Variants in SPECC1L observed in about 807,000 individuals in gnomAD.
SPECC1L encodes sperm antigen with calponin homology and coiled-coil domains 1 like.
A neutral mutation model predicts 116.8 loss-of-function variants in SPECC1L; 40 were observed. The ratio of observed to expected loss-of-function variants is 0.34; its 90% CI spans 0.27 to 0.45. The LOEUF (loss-of-function observed/expected upper bound fraction) is 0.45. Ranked by LOEUF, SPECC1L falls within the 20% of genes least tolerant of loss-of-function variation. The pLI, the probability that SPECC1L is intolerant of heterozygous loss-of-function variation, is 1.00. For synonymous variants in SPECC1L, 504 were observed against 500.6 expected, an observed-to-expected ratio of 1.01 and a Z score of -0.09; for missense variants, 1,110 against 1,373.6, an observed-to-expected ratio of 0.81 and a Z score of 3.03.
At chr22:24,326,299 A>T (rs2040820273) in intron 6 of SPECC1L, among the ~76,000 whole-genome samples, 1 of 152,200 alleles carries the variant, frequency 6.6e-6, no homozygotes, top group African/African-American at 2.4e-5. Flanking sequence ...TGTAACTCCC[A>T]GTGTTTTCAA....
intron 14 of SPECC1L, among the ~76,000 whole-genome samples, chr22:24,404,495 C>T (rs1248049705): frequency 6.6e-6 from 1 of 152,186 alleles, no homozygotes; most frequent in Non-Finnish European, 1.5e-5. Flanking sequence ...CCACAGAAGC[C>T]AAGGCCCATC....
intron 14 of SPECC1L, among the ~76,000 whole-genome samples, chr22:24,411,120 T>C (rs552114679): frequency 4.9e-4 from 74 of 151,660 alleles, no homozygotes; most frequent in African/African-American, 1.7e-3. Context: ...ACCCGGGAGG[T>C]AGAGGTTGTA....
Position 24,322,770 on chromosome 22 carries a change from A to G in SPECC1L, c.1790A>G (p.His597Arg), listed in dbSNP as rs1387631916. The G allele has an allele frequency of 6.9e-6, 11 of 1,584,332 alleles. No individual in the cohort carries two copies. Among genetic ancestry groups the G allele is most frequent in the Non-Finnish European group, 9.4e-6 (11 of 1,167,362 alleles). ...AAAGTGGCAGAGCTGTATTCTATCC[A>G]TAACTCTGGAGACAAATCTGATATT... ...KQKVAELYSI[H>R]NSGDKSDIQD... The change falls in exon 5 of 17, where the codon CAT becomes CGT. Residue 597 changes from histidine to arginine, a missense_variant. Coordinates refer to ENST00000314328, the MANE Select transcript of SPECC1L (RefSeq NM_015330.6).
At chr22:24,305,314 C>T (rs1369082130) in intron 3 of SPECC1L, among the ~76,000 whole-genome samples, 2 of 152,178 alleles carry the variant, frequency 1.3e-5, no homozygotes, top group African/African-American at 4.8e-5. Flanking sequence ...AAGCTTCCAC[C>T]GTGCCTCTGC....
At chr22:24,414,272 G>A (rs2042760598) in intron 16 of SPECC1L, among the ~76,000 whole-genome samples, 1 of 152,218 alleles carries the variant, frequency 6.6e-6, no homozygotes, top group Non-Finnish European at 1.5e-5. Context: ...GCCCAGACTG[G>A]ATGAAACCCT....
intron 14 of SPECC1L, among the ~76,000 whole-genome samples, chr22:24,402,184 G>T (rs1475066047): frequency 8.7e-6 from 1 of 114,434 alleles, no homozygotes; most frequent in Non-Finnish European, 1.8e-5. Flanking sequence ...CTGACCTGGA[G>T]CAGAGATTGG....
intron 9 of SPECC1L, among the ~76,000 whole-genome samples, chr22:24,336,864 T>G (rs2041070920): frequency 1.3e-5 from 2 of 152,214 alleles, no homozygotes; most frequent in African/African-American, 4.8e-5. Flanking sequence ...TTTTTGACTT[T>G]ACAGTAGTGC....
chr22:24,275,999 C>T (rs1249600693), intron 1 of SPECC1L, among the ~76,000 whole-genome samples: 3 of 152,136 alleles, frequency 2.0e-5, no homozygotes, highest in Admixed American at 6.5e-5. Context: ...AGGTGTGACC[C>T]ATTGTGCCCA....
rs3747113 is a variant in SPECC1L, at chr22:24,321,550, G to A, written c.570G>A (p.Thr190=). Residue 190 remains threonine (T), a synonymous_variant, in exon 5 of 17, where the codon ACG becomes ACA. Coordinates refer to ENST00000314328, the MANE Select transcript of SPECC1L (RefSeq NM_015330.6). ...AGGCCAAAGTGAAGGATCTTCTCACGCTGGCAAAAACCAAAGACGTAGAAA... is the reference window on the plus strand; with the variant it reads ...AGGCCAAAGTGAAGGATCTTCTCACACTGGCAAAAACCAAAGACGTAGAAA... ...ALEAKVKDLL[T]LAKTKDVEIL... The A allele has an allele frequency of 0.25, 408,576 of 1,613,942 alleles. 53,073 individuals are homozygous for A. The highest frequency in any genetic ancestry group is 0.32 in the Admixed American group (19,047 of 60,010).
intron 13 of SPECC1L, among the ~76,000 whole-genome samples, chr22:24,367,381 C>T (rs1025663436): frequency 2.0e-5 from 3 of 152,108 alleles, no homozygotes; most frequent in Non-Finnish European, 2.9e-5. Context: ...GCTTTGAATG[C>T]GGCCCAACAC....
rs758214344 is a variant in SPECC1L, at chr22:24,363,337, C to T, written c.2820C>T (p.Thr940=). The T allele has an allele frequency of 1.7e-5, 28 of 1,613,734 alleles. No individual in the cohort carries two copies. Among genetic ancestry groups the T allele is most frequent in the Non-Finnish European group, 1.9e-5 (23 of 1,179,778 alleles). The change falls in exon 12 of 17, where the codon ACC becomes ACT. Residue 940 remains threonine (T), a synonymous_variant. Transcript: ENST00000314328. The stretch of plus-strand genomic sequence containing the variant: ...TGCCTGCGATGGAAAGTGCCAAGAC[C>T]CTCTCAGGTGATGACTTTCATCTGA... The part of the protein sequence containing the change: ...PRVPAMESAK[T]LSVSRRSSEE...
chr22:24,374,776 TAAAA>T (rs1010730703), intron 14 of SPECC1L, among the ~76,000 whole-genome samples: 4 of 141,534 alleles, frequency 2.8e-5, no homozygotes, highest in Non-Finnish European at 6.2e-5. Flanking sequence ...AAGTATAATT[TAAAA>T]AAAAAGGAAG....
chr22:24,283,643 A>G (rs940586491), intron 2 of SPECC1L, among the ~76,000 whole-genome samples: 47 of 152,278 alleles, frequency 3.1e-4, no homozygotes, highest in Non-Finnish European at 1.5e-5. Flanking sequence ...AAGAGTTTGT[A>G]AAGAATTTGT....
Position 24,322,076 on chromosome 22 carries a change from C to T in SPECC1L, c.1096C>T (p.Pro366Ser). 1.9e-6 allele frequency: 3 copies of T among 1,614,136 alleles called. No individual in the cohort carries two copies. The South Asian group carries it at 3.3e-5, about 18-fold the overall frequency. The change falls in exon 5 of 17, where the codon CCA (proline) becomes TCA (serine). Residue 366 changes from proline (P) to serine (S), a missense_variant. Transcript: ENST00000314328. The part of the protein sequence containing the change: ...LTSSDDALDA[P>S]SSSESEGIPS... The stretch of plus-strand genomic sequence containing the variant: ...ATCGAGCGATGATGCGCTGGATGCA[C>T]CATCCTCCTCAGAGTCGGAAGGCAT...
intron 14 of SPECC1L, among the ~76,000 whole-genome samples, chr22:24,385,935 A>G (rs564636249): frequency 1.3e-3 from 197 of 152,340 alleles, no homozygotes; most frequent in African/African-American, 4.5e-3. Context: ...ACAATAGTGG[A>G]TTGCACATTC....
chr22:24,302,474 G>T, intron 3 of SPECC1L, 90 bp downstream of exon 3: 1 of 1,529,638 alleles, frequency 6.5e-7, no homozygotes, highest in Middle Eastern at 1.8e-4. Flanking sequence ...ATTCTTAGGG[G>T]TGTGCCCTCT....
At chr22:24,382,819 G>C (rs192300615) in intron 14 of SPECC1L, among the ~76,000 whole-genome samples, 23 of 151,914 alleles carry the variant, frequency 1.5e-4, no homozygotes, top group African/African-American at 5.3e-4. Flanking sequence ...CCAGCAGTTC[G>C]AGGTTACAGT....
intron 2 of SPECC1L, among the ~76,000 whole-genome samples, chr22:24,285,436 A>G (rs1601494497): frequency 6.6e-6 from 1 of 152,324 alleles, no homozygotes; most frequent in East Asian, 1.9e-4. Flanking sequence ...GCCCAGAGCC[A>G]GATAACTAAT....
chr22:24,380,078 CCA>C (rs2042037480), intron 14 of SPECC1L, among the ~76,000 whole-genome samples: 1 of 152,200 alleles, frequency 6.6e-6, no homozygotes, highest in Non-Finnish European at 1.5e-5. Context: ...ACCATGTTTG[CCA>C]GGCTGGTCTT....
Sources: allele counts gnomAD v4.1 joint callset (sites outside exome capture counted in the v4.1 genomes callset), GRCh38; gene constraint gnomAD v4.1.1; transcripts MANE v1.5; gene names NCBI Gene and HGNC (gene_info 2026-07-23, HGNC 2026-07-21).